The following PGS1 variants were observed in gnomAD, a reference collection of about 807,000 sequenced individuals.
The protein encoded by PGS1 is CDP-diacylglycerol--glycerol-3-phosphate 3-phosphatidyltransferase, mitochondrial.
Under a neutral mutation model 58.3 loss-of-function variants are expected in PGS1, and 44 were observed. The ratio of observed to expected loss-of-function variants is 0.75; its 90% CI spans 0.59 to 0.97. PGS1 has a LOEUF of 0.97. Among genes scored for constraint, PGS1 ranks in the 50% least tolerant of loss-of-function variants. The pLI is 0.00. For missense variants in PGS1, 684 were observed against 731.1 expected (o/e 0.94, Z 0.74); for synonymous variants, 330 against 311.0 (o/e 1.06, Z -0.64).
At chr17:78,424,017 C>T in intron 9 of PGS1, 44 bp from the exon 10 acceptor site, 4 of 1,614,038 alleles carry the variant, frequency 2.5e-6, no homozygotes, top group Non-Finnish European at 3.4e-6. Flanking sequence ...GTGTTTTGTA[C>T]ACGGGACACT....
chr17:78,408,563 G>C (rs749205876), intron 7 of PGS1, among the ~76,000 whole-genome samples: 1 of 152,218 alleles, frequency 6.6e-6, no homozygotes, highest in Non-Finnish European at 1.5e-5. Flanking sequence ...GGGCTGCTGC[G>C]CGTCCCTGAG....
intron 6 of PGS1, among the ~76,000 whole-genome samples, chr17:78,402,816 C>G (rs984454733): frequency 2.6e-5 from 4 of 152,160 alleles, no homozygotes; most frequent in African/African-American, 9.7e-5. Flanking sequence ...TTGTTTCTTT[C>G]CCCTGTCTTC....
chr17:78,396,711 G>T (rs937633955), intron 3 of PGS1, among the ~76,000 whole-genome samples: 2 of 152,268 alleles, frequency 1.3e-5, no homozygotes, highest in African/African-American at 4.8e-5. Context: ...ACCTGTTATG[G>T]TGTAGACTGT....
rs554168396 is a variant in PGS1, at chr17:78,400,259, C to G, written c.702-418C>G. On this transcript the variant is annotated intron_variant, in intron 5 of 9. Transcript: ENST00000262764. The surrounding 1 kb of genome is among the most constrained non-coding windows in gnomAD (Gnocchi z 4.4). ...AATTAGCTGGGTGTGGTGGCACACA[C>G]CTGTAATCCCAGCTACTCGGGAGGC... 6.6e-6 allele frequency among the ~76,000 whole-genome samples: 1 copy of G among 152,060 alleles called. No homozygotes were observed. The highest frequency in any genetic ancestry group is 1.5e-5 in the Non-Finnish European group (1 of 68,016).
At position 78,392,546 on chromosome 17, in the gene PGS1, C is replaced by T; in HGVS notation, c.214C>T (p.Leu72=). Residue 72 remains leucine (L), a synonymous_variant, in exon 2 of 10, where the codon CTG becomes TTG. Transcript: ENST00000262764. ...CCAGGTCACCTCCCCACCTTGCTGC[C>T]TGTGTCCAGAAGGCGTGCACCGGTT... is the stretch of plus-strand genomic sequence containing the variant. The part of the protein sequence containing the change: ...VPQVTSPPCC[L]CPEGVHRFQW... 6.2e-7 allele frequency: 1 copy of T among 1,614,162 alleles called. No individual in the cohort carries two copies. The highest frequency in any genetic ancestry group is 1.1e-5 in the South Asian group (1 of 91,082).
intron 1 of PGS1, 115 bp downstream of exon 1, chr17:78,378,923 T>A: frequency 8.6e-7 from 1 of 1,164,892 alleles, no homozygotes; most frequent in Non-Finnish European, 1.1e-6. Context: ...CTCCCCGGTT[T>A]CCGGGCCCAT....
chr17:78,392,621 G>A lies in PGS1; in HGVS notation c.289G>A (p.Val97Ile), dbSNP rs2082909703. The change falls in exon 2 of 10, where the codon GTT (valine) becomes ATT (isoleucine). Residue 97 changes from valine (V) to isoleucine (I), a missense_variant. By Grantham distance (29) the Val-to-Ile change is conservative. Coordinates refer to ENST00000262764, the MANE Select transcript of PGS1 (RefSeq NM_024419.5). The stretch of plus-strand genomic sequence containing the variant: ...AGAATTTGGAGTCTCCAGTTCTCAC[G>A]TTAGGGTGCTTTCTTCCCCGGCAGA... Reference protein sequence around the residue: ...VPEFGVSSSHVRVLSSPAEFF... With the variant: ...VPEFGVSSSHIRVLSSPAEFF... 3 of 1,614,128 alleles carry A rather than the reference G, an allele frequency of 1.9e-6. No homozygotes were observed. Among genetic ancestry groups the A allele is most frequent in the South Asian group, 2.2e-5 (2 of 91,068 alleles).
intron 7 of PGS1, among the ~76,000 whole-genome samples, chr17:78,407,274 A>T (rs917128977): frequency 2.0e-5 from 3 of 152,172 alleles, no homozygotes; most frequent in Admixed American, 2.0e-4. Context: ...CAGGAACCAG[A>T]GGTCAGAGGT....
chr17:78,403,523 C>A (rs755006113), intron 6 of PGS1, 45 bp from the exon 7 acceptor site: 3 of 1,581,170 alleles, frequency 1.9e-6, no homozygotes, highest in African/African-American at 1.3e-5. Flanking sequence ...AGAGTCCAGA[C>A]CCTCCATTTC....
chr17:78,383,463 T>C (rs1437600269), intron 1 of PGS1, among the ~76,000 whole-genome samples: 1 of 152,132 alleles, frequency 6.6e-6, no homozygotes, highest in Admixed American at 6.5e-5. Context: ...TGACCTCAGG[T>C]GGTCCGCCCA....
intron 2 of PGS1, among the ~76,000 whole-genome samples, chr17:78,392,956 A>G (rs367879262): frequency 1.6e-4 from 24 of 152,256 alleles, no homozygotes; most frequent in African/African-American, 5.5e-4. Context: ...AGGGGGTCTC[A>G]CTATGTTACC....
chr17:78,401,988 G>C (rs1194575045), intron 6 of PGS1, among the ~76,000 whole-genome samples: 1 of 152,198 alleles, frequency 6.6e-6, no homozygotes, highest in African/African-American at 2.4e-5. Flanking sequence ...GAGCAGGAGC[G>C]GGGAGACTCG....
At chr17:78,396,912 C>T (rs191869192) in intron 3 of PGS1, among the ~76,000 whole-genome samples, 1 of 152,338 alleles carries the variant, frequency 6.6e-6, no homozygotes, top group Admixed American at 6.5e-5. Flanking sequence ...GTAGTTGTGA[C>T]AGTGCCCATT....
chr17:78,386,454 A>G (rs879857281), intron 1 of PGS1, among the ~76,000 whole-genome samples: 7 of 152,146 alleles, frequency 4.6e-5, no homozygotes, highest in Admixed American at 4.6e-4. Context: ...CCCAGCCCCC[A>G]CCACTTCCTC....
In PGS1 at chr17:78,403,540, C is replaced by G. The variant is rs564038115; in HGVS notation, c.881-28C>G. ...AGTCCAGACCCTCCATTTCTCTTCC[C>G]TTCACTCTTCTTTCACGTCTTCCCC... On this transcript the variant is annotated intron_variant, in intron 6 of 9. Transcript: ENST00000262764. 1.9e-6 allele frequency: 3 copies of G among 1,599,770 alleles called. No individual in the cohort carries two copies. The East Asian group carries it at 6.7e-5, about 36-fold the overall frequency.
chr17:78,386,231 G>A (rs1213647726), intron 1 of PGS1, among the ~76,000 whole-genome samples: 1 of 152,222 alleles, frequency 6.6e-6, no homozygotes, highest in Non-Finnish European at 1.5e-5. Flanking sequence ...GCAGGCTGAG[G>A]ATTGTTTTGC....
chr17:78,420,254 C>T, intron 9 of PGS1: 2 of 985,910 alleles, frequency 2.0e-6, no homozygotes, highest in Non-Finnish European at 2.4e-6. Context: ...GTAACAGGAC[C>T]TGCTCTGCCC....
intron 7 of PGS1, among the ~76,000 whole-genome samples, chr17:78,407,875 G>A (rs532420434): frequency 2.0e-5 from 3 of 152,336 alleles, no homozygotes; most frequent in South Asian, 4.1e-4. Context: ...AAATGACCCC[G>A]TGGCTCAGCA....
intron 9 of PGS1, chr17:78,422,019 A>G (rs1351042263): frequency 6.6e-6 from 1 of 152,160 alleles, no homozygotes; most frequent in Non-Finnish European, 1.5e-5. Flanking sequence ...CATTTCTTGG[A>G]AAGTTTAGAG....
Sources: allele counts gnomAD v4.1 joint callset (sites outside exome capture counted in the v4.1 genomes callset), GRCh38; gene constraint gnomAD v4.1.1; non-coding constraint Gnocchi (gnomAD v3.1); transcripts MANE v1.5; gene names NCBI Gene and HGNC (gene_info 2026-07-23, HGNC 2026-07-21).